Variants in KCNH1 observed in about 807,000 individuals in gnomAD.
KCNH1 encodes the protein potassium voltage-gated channel subfamily H member 1, also known as voltage-gated delayed rectifier potassium channel KCNH1.
In KCNH1, 27 loss-of-function variants were observed where a neutral mutation model predicts 69.2. The observed-to-expected ratio is 0.39, with a 90% CI of 0.29 to 0.54. KCNH1 has a LOEUF of 0.54. Among genes scored for constraint, KCNH1 ranks in the 20% least tolerant of loss-of-function variants. KCNH1 has a pLI of 0.68. For missense variants in KCNH1, 798 were observed against 1,261.6 expected, an observed-to-expected ratio of 0.63 and a Z score of 5.57; for synonymous variants, 456 against 487.7, an observed-to-expected ratio of 0.93 and a Z score of 0.86.
intron 6 of KCNH1, among the ~76,000 whole-genome samples, chr1:210,978,132 T>A (rs1688648039): frequency 6.6e-6 from 1 of 151,482 alleles, no homozygotes; most frequent in Non-Finnish European, 1.5e-5. Context: ...TCCGCCTCCC[T>A]GGTTCACGCC....
chr1:210,697,462 C>T (rs1339122146), intron 10 of KCNH1, among the ~76,000 whole-genome samples: 4 of 152,214 alleles, frequency 2.6e-5, no homozygotes, highest in Admixed American at 6.5e-5. Context: ...CAGGAGTCTT[C>T]GTCTATCTTT....
At chr1:210,958,365 G>T (rs1000271353) in intron 6 of KCNH1, among the ~76,000 whole-genome samples, 1 of 152,080 alleles carries the variant, frequency 6.6e-6, no homozygotes, top group South Asian at 2.1e-4. Flanking sequence ...TTCAACGTTG[G>T]TGAATCTGAC....
intron 9 of KCNH1, among the ~76,000 whole-genome samples, chr1:210,793,269 C>T (rs1486887870): frequency 1.3e-5 from 2 of 152,194 alleles, no homozygotes; most frequent in East Asian, 1.9e-4. Flanking sequence ...TCTGGGACCA[C>T]GTTTCAAACT....
At chr1:210,884,323 C>T (rs1451435004) in intron 7 of KCNH1, among the ~76,000 whole-genome samples, 5 of 152,194 alleles carry the variant, frequency 3.3e-5, no homozygotes, top group African/African-American at 1.2e-4. Context: ...TGAGAGGATC[C>T]TCTCTTTCCT....
At chr1:210,876,496 G>T (rs2102501884) in intron 7 of KCNH1, among the ~76,000 whole-genome samples, 1 of 152,136 alleles carries the variant, frequency 6.6e-6, no homozygotes, top group African/African-American at 2.4e-5. Flanking sequence ...TGCCATAATG[G>T]GACAGGTTAT....
At chr1:211,087,977 G>A (rs1448391528) in intron 4 of KCNH1, among the ~76,000 whole-genome samples, 4 of 152,130 alleles carry the variant, frequency 2.6e-5, no homozygotes, top group Admixed American at 2.0e-4. Context: ...TGGACCCTTT[G>A]TGGGCGATTT....
At chr1:210,913,474 TC>T (rs1401787213) in intron 7 of KCNH1, among the ~76,000 whole-genome samples, 1 of 152,182 alleles carries the variant, frequency 6.6e-6, no homozygotes, top group African/African-American at 2.4e-5. Context: ...TTCAAATTTT[TC>T]CAAAAAGTTG....
At chr1:210,823,684 T>C (rs1329597058) in intron 7 of KCNH1, among the ~76,000 whole-genome samples, 1 of 152,196 alleles carries the variant, frequency 6.6e-6, no homozygotes, top group Non-Finnish European at 1.5e-5. Context: ...CAATCCTATA[T>C]AGAAGGTGCT....
chr1:211,092,451 G>A (rs1262655431), intron 3 of KCNH1, among the ~76,000 whole-genome samples: 1 of 152,178 alleles, frequency 6.6e-6, no homozygotes, highest in East Asian at 1.9e-4. Context: ...GATTATCTAT[G>A]TATTCCTCTA....
At chr1:210,897,860 G>A (rs144594452) in intron 7 of KCNH1, among the ~76,000 whole-genome samples, 27 of 152,282 alleles carry the variant, frequency 1.8e-4, no homozygotes, top group African/African-American at 6.0e-4. Flanking sequence ...GGAAGAGAGC[G>A]AGCTGATGCT....
chr1:211,122,135 C>CA (rs35480571), intron 1 of KCNH1, among the ~76,000 whole-genome samples: 385 of 134,960 alleles, frequency 2.9e-3, no homozygotes, highest in Non-Finnish European at 3.9e-3. Context: ...GACTCCGTCT[C>CA]AAAAAAAAAA....
At chr1:210,746,602 C>G (rs150463747) in intron 10 of KCNH1, among the ~76,000 whole-genome samples, 144 of 151,882 alleles carry the variant, frequency 9.5e-4, no homozygotes, top group African/African-American at 3.2e-3. Context: ...TGCTCTGTCA[C>G]AGTGGCATGA....
chr1:210,817,177 C>T (rs945583017), intron 7 of KCNH1, among the ~76,000 whole-genome samples: 1 of 152,090 alleles, frequency 6.6e-6, no homozygotes, highest in African/African-American at 2.4e-5. Context: ...TAATAGATCC[C>T]CCAATCTTCT....
intron 10 of KCNH1, among the ~76,000 whole-genome samples, chr1:210,768,282 C>T (rs1355183957): frequency 2.6e-5 from 4 of 152,092 alleles, no homozygotes; most frequent in Non-Finnish European, 4.4e-5. Flanking sequence ...GCTTCTAAGG[C>T]CTCTATTTCA....
At position 210,683,928 on chromosome 1, in the gene KCNH1, G is replaced by A. The variant is rs1023996835; in HGVS notation, c.2323C>T (p.His775Tyr). 3 of 1,611,766 alleles carry A rather than the reference G, an allele frequency of 1.9e-6. No individual in the cohort carries two copies. Among genetic ancestry groups the A allele is most frequent in the Admixed American group, 3.3e-5 (2 of 59,936 alleles). The change falls in exon 11 of 11, where the codon CAT becomes TAT. Residue 775 changes from histidine to tyrosine, a missense_variant. By Grantham distance (83) the His-to-Tyr change is moderately conservative. Around this residue, in one of 4 missense-constraint regions of KCNH1, gnomAD observed 331 missense variants for 363.2 expected, o/e 0.91. Transcript: ENST00000271751. The surrounding 1 kb of genome is among the most constrained non-coding windows in gnomAD (Gnocchi z 5.7). Reference protein sequence around the residue: ...DVEKGNVLTEHASANHSLVKA... With the variant: ...DVEKGNVLTEYASANHSLVKA... ...ACGAGGCTGTGGTTGGCGGAGGCAT[G>A]CTCTGTAAGGACATTGCCCTTCTCC...
At chr1:210,696,458 TTC>T (rs1681641698) in intron 10 of KCNH1, among the ~76,000 whole-genome samples, 1 of 152,286 alleles carries the variant, frequency 6.6e-6, no homozygotes. Flanking sequence ...TAGTTTCAGT[TTC>T]TGTTTTCCTG....
intron 6 of KCNH1, among the ~76,000 whole-genome samples, chr1:210,984,538 GT>G (rs202145481): frequency 0.013 from 1,991 of 152,260 alleles, 46 homozygotes; most frequent in African/African-American, 0.045. Flanking sequence ...TAATCATGTG[GT>G]TTTTGTCACT....
rs182468810 is a variant in KCNH1 at position 211,081,891 on chromosome 1, A to C, written c.558+889T>G. 2.8e-3 allele frequency among the ~76,000 whole-genome samples: 421 copies of C among 152,308 alleles called. 3 individuals carry two copies. Among genetic ancestry groups the C allele is most frequent in the African/African-American group, 9.6e-3 (401 of 41,584 alleles). On this transcript the variant is annotated intron_variant, in intron 5 of 10. Transcript: ENST00000271751. Reference sequence around the variant, plus strand: ...AAATGATGAGTTAATGGATGCAGCAAACCAACATGGCACATGTATACCTAT... The same window carrying C: ...AAATGATGAGTTAATGGATGCAGCACACCAACATGGCACATGTATACCTAT...
chr1:210,678,968 G>A lies in KCNH1; in HGVS notation c.*4313C>T, dbSNP rs1312234305. On this transcript the variant is annotated 3_prime_UTR_variant, in exon 11 of 11. Coordinates refer to ENST00000271751, the MANE Select transcript of KCNH1 (RefSeq NM_172362.3). ...TCCAGTTCTAGAGGTTCCAGAATAA[G>A]TCTGATATGCTTGCATGAGAATGAA... 1 of 152,242 alleles carries A rather than the reference G, an allele frequency of 6.6e-6. No individual in the cohort carries two copies. The highest frequency in any genetic ancestry group is 2.4e-5 in the African/African-American group (1 of 41,458). 9.4% of individuals were successfully genotyped at this position (152,242 alleles called of 1,614,324 possible).
Sources: allele counts gnomAD v4.1 joint callset (sites outside exome capture counted in the v4.1 genomes callset), GRCh38; gene constraint gnomAD v4.1.1; regional missense constraint gnomAD v4.1.1; non-coding constraint Gnocchi (gnomAD v3.1); transcripts MANE v1.5; gene names NCBI Gene and HGNC (gene_info 2026-07-23, HGNC 2026-07-21).